Variants in DMD observed in about 807,000 individuals in gnomAD.
The protein encoded by DMD is dystrophin, also known as mutant dystrophin.
Under a neutral mutation model 330.1 loss-of-function variants are expected in DMD, and 63 were observed. That is an observed-to-expected ratio of 0.19 (90% CI 0.16 to 0.24). The LOEUF (loss-of-function observed/expected upper bound fraction) is 0.24. Among genes scored for constraint, DMD ranks in the 10% least tolerant of loss-of-function variants. The pLI, the probability that DMD is intolerant of heterozygous loss-of-function variation, is 1.00. For synonymous variants in DMD, 1,223 were observed against 959.8 expected, an observed-to-expected ratio of 1.27 and a Z score of -5.07; for missense variants, 3,344 against 2,684.1, an observed-to-expected ratio of 1.25 and a Z score of -5.43.
At chrX:32,565,342 C>G (rs2051565674) in intron 16 of DMD, among the ~76,000 whole-genome samples, 1 of 111,860 alleles carries the variant, frequency 8.9e-6, no homozygotes, top group African/African-American at 3.2e-5. Context: ...TCATTTTTCT[C>G]AAGAGTAAAA....
At chrX:32,817,789 G>T (rs1489774004) in intron 5 of DMD, among the ~76,000 whole-genome samples, 7 of 112,014 alleles carry the variant, frequency 6.2e-5, no homozygotes, top group Non-Finnish European at 1.1e-4. Context: ...TCCAATGTTA[G>T]TCATCTTTTT....
chrX:33,259,654 C>G (rs1223153118), intron 1 of DMD, among the ~76,000 whole-genome samples: 1 of 86,200 alleles, frequency 1.2e-5, no homozygotes, highest in African/African-American at 4.4e-5. Flanking sequence ...GCAAGCATTT[C>G]GGATAATATA....
At chrX:31,403,698 C>T (rs935402514) in intron 60 of DMD, among the ~76,000 whole-genome samples, 2 of 111,908 alleles carry the variant, frequency 1.8e-5, no homozygotes, top group African/African-American at 6.5e-5. Context: ...GGGTTTAAAA[C>T]ACCATGAATG....
At chrX:32,921,564 T>C (rs151059273) in intron 2 of DMD, among the ~76,000 whole-genome samples, 1,434 of 111,563 alleles carry the variant, frequency 0.013, 23 homozygotes, top group African/African-American at 0.044. Flanking sequence ...TATGCGCATG[T>C]ATGTACAGCA....
Position 31,778,407 on chromosome X carries a change from C to A in DMD, c.7310-4215G>T, listed in dbSNP as rs193156598. Among the ~76,000 whole-genome samples, 540 of 111,145 alleles carry A rather than the reference C, an allele frequency of 4.9e-3. 4 individuals carry two copies. Among genetic ancestry groups the A allele is most frequent in the Non-Finnish European group, 4.6e-3 (245 of 53,068 alleles). ...CATAAAGAAGCAAGAGGCTAATCTT[C>A]ATCGACCTCTCACATTAGAGCCATT... On this transcript the variant is annotated intron_variant, in intron 50 of 78. Transcript: ENST00000357033.
At chrX:32,889,696 G>C (rs1178886049) in intron 2 of DMD, among the ~76,000 whole-genome samples, 2 of 110,847 alleles carry the variant, frequency 1.8e-5, no homozygotes, top group African/African-American at 6.6e-5. Flanking sequence ...TACTTTGTGA[G>C]ATCCACCCCC....
intron 55 of DMD, among the ~76,000 whole-genome samples, chrX:31,528,231 C>T (rs115605203): frequency 0.065 from 6,159 of 95,348 alleles, 401 homozygotes; most frequent in African/African-American, 0.23. Context: ...AAACAGTATA[C>T]CAGCATCCTT....
At chrX:31,968,244 T>C (rs2095368481) in intron 45 of DMD, 95 bp downstream of exon 45, 2 of 1,052,267 alleles carry the variant, frequency 1.9e-6, no homozygotes, top group Non-Finnish European at 2.7e-6. Flanking sequence ...TTAGTGCCTT[T>C]CACCCTGCTT....
chrX:31,462,828 T>C (rs2066618844), intron 59 of DMD, among the ~76,000 whole-genome samples: 1 of 112,149 alleles, frequency 8.9e-6, no homozygotes, highest in Admixed American at 9.5e-5. Context: ...CAGATGAACC[T>C]GCAAAAGATA....
At chrX:31,618,636 G>A (rs2078350525) in intron 55 of DMD, among the ~76,000 whole-genome samples, 1 of 111,926 alleles carries the variant, frequency 8.9e-6, no homozygotes, top group Non-Finnish European at 1.9e-5. Context: ...AGTAGAGTTG[G>A]TAGAAGATCA....
intron 1 of DMD, among the ~76,000 whole-genome samples, chrX:33,075,531 G>A (rs915920749): frequency 1.8e-5 from 2 of 112,319 alleles, no homozygotes; most frequent in Admixed American, 1.9e-4. Flanking sequence ...CTCCATAACT[G>A]TAAGAAATAA....
chrX:31,148,804 G>C (rs1422006918), intron 74 of DMD, among the ~76,000 whole-genome samples: 4 of 112,033 alleles, frequency 3.6e-5, no homozygotes, highest in Admixed American at 1.9e-4. Context: ...GGCAAGGTTA[G>C]ACTTCTTCCA....
intron 1 of DMD, among the ~76,000 whole-genome samples, chrX:33,308,569 A>G (rs2053798517): frequency 8.9e-6 from 1 of 111,772 alleles, no homozygotes; most frequent in Non-Finnish European, 1.9e-5. Flanking sequence ...AAAATTTACA[A>G]CAATCTGTTA....
chrX:33,325,352 T>C (rs900831870), intron 1 of DMD, among the ~76,000 whole-genome samples: 10 of 112,500 alleles, frequency 8.9e-5, no homozygotes, highest in African/African-American at 3.2e-4. Flanking sequence ...CTTTGAGATT[T>C]TCCTTCCACA....
intron 26 of DMD, among the ~76,000 whole-genome samples, chrX:32,449,630 G>A (rs758266926): frequency 1.9e-5 from 2 of 103,986 alleles, no homozygotes; most frequent in East Asian, 6.0e-4. Context: ...TCCATGTTGT[G>A]TATTCTCCCT....
intron 60 of DMD, among the ~76,000 whole-genome samples, chrX:31,373,540 G>C (rs1429449463): frequency 9.6e-6 from 1 of 104,289 alleles, no homozygotes; most frequent in Non-Finnish European, 2.0e-5. Context: ...TCTGATCTTT[G>C]ACAAACCTGA....
intron 41 of DMD, among the ~76,000 whole-genome samples, chrX:32,328,477 T>C (rs2097662691): frequency 1.8e-5 from 2 of 111,747 alleles, no homozygotes; most frequent in Admixed American, 1.9e-4. Flanking sequence ...TCAAGAATGT[T>C]ATTCCAGTGG....
At chrX:32,934,146 T>A (rs1686949109) in intron 2 of DMD, among the ~76,000 whole-genome samples, 1 of 111,696 alleles carries the variant, frequency 9.0e-6, no homozygotes, top group Admixed American at 9.5e-5. Flanking sequence ...AAACAATAGG[T>A]TGAGAGTTTC....
chrX:32,955,605 C>CT (rs1270337320), intron 2 of DMD, among the ~76,000 whole-genome samples: 1 of 111,548 alleles, frequency 9.0e-6, no homozygotes, highest in Admixed American at 9.5e-5. Flanking sequence ...GTCATGAAAC[C>CT]TTTGTCTGTT....
Sources: allele counts gnomAD v4.1 joint callset (sites outside exome capture counted in the v4.1 genomes callset), GRCh38; gene constraint gnomAD v4.1.1; transcripts MANE v1.5; gene names NCBI Gene and HGNC (gene_info 2026-07-23, HGNC 2026-07-21).